Variants in PANK4 observed in about 807,000 individuals in gnomAD.
The protein encoded by PANK4 is 4'-phosphopantetheine phosphatase.
In PANK4, 40 loss-of-function variants were observed where a neutral mutation model predicts 87.9. The ratio of observed to expected loss-of-function variants is 0.46; its 90% CI spans 0.35 to 0.59. The LOEUF is 0.59. Ranked by LOEUF, PANK4 falls within the 20% of genes least tolerant of loss-of-function variation. PANK4 has a pLI of 0.00. For synonymous variants in PANK4, 524 were observed against 467.4 expected, an observed-to-expected ratio of 1.12 and a Z score of -1.56; for missense variants, 926 against 1,072.3, an observed-to-expected ratio of 0.86 and a Z score of 1.90.
chr1:2,521,127 G>T lies in PANK4; in HGVS notation c.396C>A (p.Asp132Glu). 6.2e-7 allele frequency: 1 copy of T among 1,613,562 alleles called. No individual in the cohort carries two copies. Among genetic ancestry groups the T allele is most frequent in the African/African-American group, 1.3e-5 (1 of 75,026 alleles). Residue 132 changes from aspartate (D) to glutamate (E), a missense_variant, in exon 3 of 19, where the codon GAC (aspartate) becomes GAA (glutamate). Coordinates refer to ENST00000378466, the MANE Select transcript of PANK4 (RefSeq NM_018216.4). ...TCAGCCGCAGCTTCTCTTCGATGAG[G>T]TCTTTGAACTTGTAGGCCCCGCCCC... The part of the protein sequence containing the change: ...ATGGGAYKFK[D>E]LIEEKLRLKV...
intron 12 of PANK4, among the ~76,000 whole-genome samples, chr1:2,513,481 C>A (rs1200238353): frequency 6.6e-6 from 1 of 152,252 alleles, no homozygotes; most frequent in African/African-American, 2.4e-5. Context: ...CCAAGGAGGG[C>A]TCTGGCCGCC....
In PANK4 at chr1:2,519,294, A is replaced by G; in HGVS notation, c.884T>C (p.Leu295Pro). The G allele has an allele frequency of 6.2e-7, 1 of 1,611,094 alleles. No individual in the cohort carries two copies. Among genetic ancestry groups the G allele is most frequent in the Non-Finnish European group, 8.5e-7 (1 of 1,178,702 alleles). ...EFSKEDMAKS[L>P]LHMISNDIGQ... is the part of the protein sequence containing the mutation. ...AATGTCGTTGCTGATCATGTGCAGC[A>G]GGCTCTTCGCCATGTCTTCTTTGGA... The change falls in exon 7 of 19, where the codon CTG becomes CCG. Residue 295 changes from leucine (L) to proline (P), a missense_variant. Physicochemically the swap from Leu to Pro is moderately conservative, Grantham distance 98. Coordinates refer to ENST00000378466, the MANE Select transcript of PANK4 (RefSeq NM_018216.4). This position sits in a 1 kb window ranked among gnomAD's most constrained non-coding sequence, Gnocchi z 8.3.
intron 9 of PANK4, among the ~76,000 whole-genome samples, chr1:2,516,867 AC>A (rs1305837793): frequency 6.6e-6 from 1 of 152,188 alleles, no homozygotes; most frequent in Non-Finnish European, 1.5e-5. Flanking sequence ...CTTCGCTTTG[AC>A]TTTTTTGGAC....
chr1:2,520,674 A>C lies in PANK4; in HGVS notation c.606+49T>G, dbSNP rs753315755. The C allele has an allele frequency of 6.4e-7, 1 of 1,563,298 alleles. No homozygotes were observed. Among genetic ancestry groups the C allele is most frequent in the Admixed American group, 1.7e-5 (1 of 57,782 alleles). On this transcript the variant is annotated intron_variant, in intron 4 of 18. Coordinates refer to ENST00000378466, the MANE Select transcript of PANK4 (RefSeq NM_018216.4). The surrounding 1 kb of genome is among the most constrained non-coding windows in gnomAD (Gnocchi z 6.2). ...CTCCTGCACACAGCGAGGGCTTAAC[A>C]AACTATGGCTAAACCATCCACTCAT...
rs1557439013 is a variant in PANK4, at chr1:2,513,846, C to T, written c.1575+156G>A. ...CAGATGCTGCCAACAGAGGCCCTGG[C>T]TATTGTGGTGCCAGGGCTGGAGTTG... On this transcript the variant is annotated intron_variant, in intron 12 of 18. Transcript: ENST00000378466. Among the ~76,000 whole-genome samples the T allele has an allele frequency of 3.3e-5, 5 of 152,238 alleles. No individual in the cohort carries two copies. In the South Asian group the frequency reaches 1.0e-3, roughly 31 times the overall value.
In PANK4 at chr1:2,510,853, C is replaced by G; in HGVS notation, c.1834-71G>C. On this transcript the variant is annotated intron_variant, in intron 15 of 18. Transcript: ENST00000378466. This position sits in a 1 kb window ranked among gnomAD's most constrained non-coding sequence, Gnocchi z 4.9. ...AGCGAGTCAGTCCGCACCCCTGCTGCCCGTCACGCTGCCCTGCAGGGGCCG... is the reference window on the plus strand; with the variant it reads ...AGCGAGTCAGTCCGCACCCCTGCTGGCCGTCACGCTGCCCTGCAGGGGCCG... 1 of 891,372 alleles carries G rather than the reference C, an allele frequency of 1.1e-6. No individual in the cohort carries two copies. The highest frequency in any genetic ancestry group is 1.9e-6 in the Non-Finnish European group (1 of 528,270). 55.2% of individuals were successfully genotyped at this position (891,372 alleles called of 1,614,324 possible).
chr1:2,509,823 G>A lies in PANK4; in HGVS notation c.2108+39C>T. 6.3e-7 allele frequency: 1 copy of A among 1,578,004 alleles called. No individual in the cohort carries two copies. The highest frequency in any genetic ancestry group is 8.7e-7 in the Non-Finnish European group (1 of 1,151,546). Reference sequence around the variant, plus strand: ...AGGTGCACGGCACAGAGGGCACAGAGCCCAGGAGGGAGAGAACAGGTGCAG... The same window carrying A: ...AGGTGCACGGCACAGAGGGCACAGAACCCAGGAGGGAGAGAACAGGTGCAG... On this transcript the variant is annotated intron_variant, in intron 18 of 18. Coordinates refer to ENST00000378466, the MANE Select transcript of PANK4 (RefSeq NM_018216.4). The surrounding 1 kb of genome is among the most constrained non-coding windows in gnomAD (Gnocchi z 4.9).
intron 9 of PANK4, among the ~76,000 whole-genome samples, chr1:2,517,257 G>C (rs1354570254): frequency 6.6e-6 from 1 of 152,240 alleles, no homozygotes; most frequent in Admixed American, 6.5e-5. Context: ...TGGTGCGTCT[G>C]TGCGAGGCCG....
intron 7 of PANK4, 108 bp from the exon 8 acceptor site, chr1:2,518,705 G>T: frequency 1.1e-5 from 10 of 908,844 alleles, no homozygotes; most frequent in Non-Finnish European, 1.8e-5. Flanking sequence ...CCAAACCCTC[G>T]AAGAGGCGCC....
chr1:2,508,562 G>A lies in PANK4; in HGVS notation c.*285C>T, dbSNP rs959794610. ...CTCTTTTAAAAACTCTATTTGGTGC[G>A]TGCCCACGGTGCTGCGTCCCGTCAG... On this transcript the variant is annotated 3_prime_UTR_variant, in exon 19 of 19. Coordinates refer to ENST00000378466, the MANE Select transcript of PANK4 (RefSeq NM_018216.4). The surrounding 1 kb of genome is among the most constrained non-coding windows in gnomAD (Gnocchi z 5.1). 4.5e-5 allele frequency: 8 copies of A among 177,180 alleles called. No homozygotes were observed. The highest frequency in any genetic ancestry group is 9.3e-5 in the Non-Finnish European group (8 of 86,272). The allele number at this position is 177,180 out of a possible 1,614,324, so 11.0% of individuals were successfully genotyped here.
At position 2,514,341 on chromosome 1, in the gene PANK4, G is replaced by T. The variant is rs1430265811; in HGVS notation, c.1487+13C>A. On this transcript the variant is annotated intron_variant, in intron 11 of 18. Coordinates refer to ENST00000378466, the MANE Select transcript of PANK4 (RefSeq NM_018216.4). The stretch of plus-strand genomic sequence containing the variant: ...GGAAGAGGTGGCCACACACCGGGGT[G>T]CTGGGCACTTACAAGGGCTGCTGCC... 7 of 1,582,526 alleles carry T rather than the reference G, an allele frequency of 4.4e-6. No individual in the cohort carries two copies. The highest frequency in any genetic ancestry group is 6.1e-6 in the Non-Finnish European group (7 of 1,152,666).
intron 7 of PANK4, among the ~76,000 whole-genome samples, 198 bp downstream of exon 7, chr1:2,518,945 G>C (rs571891629): frequency 6.6e-6 from 1 of 152,346 alleles, no homozygotes; most frequent in African/African-American, 2.4e-5. Flanking sequence ...CATCACTGGT[G>C]ATGTACTCAA....
At position 2,515,938 on chromosome 1, in the gene PANK4, T is replaced by C; in HGVS notation, c.1219-221A>G. On this transcript the variant is annotated intron_variant, in intron 9 of 18. Coordinates refer to ENST00000378466, the MANE Select transcript of PANK4 (RefSeq NM_018216.4). This position sits in a 1 kb window ranked among gnomAD's most constrained non-coding sequence, Gnocchi z 5.0. ...CCTGGTTTGACACTGGGGTTGCGTC[T>C]GCTCCCACCACACGCCTCCTGCCCC... The C allele has an allele frequency of 3.4e-6, 2 of 591,608 alleles. No individual in the cohort carries two copies. Among genetic ancestry groups the C allele is most frequent in the South Asian group, 4.0e-5 (2 of 50,188 alleles). The allele number at this position is 591,608 out of a possible 1,614,324, so 36.6% of individuals were successfully genotyped here. A position where few individuals can be genotyped will look rare whatever the true frequency, so the allele number is the denominator to read the frequency against.
rs1481452495 is a variant in PANK4 at position 2,514,463 on chromosome 1, C to T, written c.1378G>A (p.Val460Met). Residue 460 changes from valine (V) to methionine (M), a missense_variant, in exon 11 of 19, where the codon GTG (valine) becomes ATG (methionine). Physicochemically the swap from Val to Met is conservative, Grantham distance 21. Coordinates refer to ENST00000378466, the MANE Select transcript of PANK4 (RefSeq NM_018216.4). The part of the protein sequence containing the change: ...TCFEEALDGV[V>M]KRAVASQPDS... Reference sequence around the variant, plus strand: ...GGCTGGCTCGCCACTGCGCGCTTCACTACCTGCCAGCGACAGAAGGAGGGG... The same window carrying T: ...GGCTGGCTCGCCACTGCGCGCTTCATTACCTGCCAGCGACAGAAGGAGGGG... 2 of 1,608,680 alleles carry T rather than the reference C, an allele frequency of 1.2e-6. No homozygotes were observed. Among genetic ancestry groups the T allele is most frequent in the South Asian group, 2.2e-5 (2 of 91,012 alleles).
chr1:2,514,163 C>A, intron 11 of PANK4, 74 bp from the exon 12 acceptor site: 1 of 1,331,920 alleles, frequency 7.5e-7, no homozygotes, highest in Non-Finnish European at 1.1e-6. Flanking sequence ...CTCGGCTGTG[C>A]CACGGACGTC....
At chr1:2,516,145 C>A (rs1643770055) in intron 9 of PANK4, among the ~76,000 whole-genome samples, 1 of 152,216 alleles carries the variant, frequency 6.6e-6, no homozygotes, top group Non-Finnish European at 1.5e-5. Flanking sequence ...CTGTTCCCAC[C>A]TCTGGTCCTC....
In PANK4 at chr1:2,519,172, T is replaced by C; in HGVS notation, c.1006A>G (p.Ile336Val). 6.2e-7 allele frequency: 1 copy of C among 1,612,604 alleles called. No individual in the cohort carries two copies. Reference protein sequence around the residue: ...IRGHPVTMRTITYSINFFSKG... With the variant: ...IRGHPVTMRTVTYSINFFSKG... The stretch of plus-strand genomic sequence containing the variant: ...GAGAAGAAGTTGATGCTATAGGTGA[T>C]GGTGCGCATGGTCACGGGGTGGCCC... The change falls in exon 7 of 19, where the codon ATC becomes GTC. Residue 336 changes from isoleucine to valine, a missense_variant. By Grantham distance (29) the Ile-to-Val change is conservative. Coordinates refer to ENST00000378466, the MANE Select transcript of PANK4 (RefSeq NM_018216.4). This position sits in a 1 kb window ranked among gnomAD's most constrained non-coding sequence, Gnocchi z 8.3.
rs1643863668 is a variant in PANK4, at chr1:2,520,270, G to A, written c.699+52C>T. 6.5e-7 allele frequency: 1 copy of A among 1,533,150 alleles called. No homozygotes were observed. The highest frequency in any genetic ancestry group is 1.4e-5 in the African/African-American group (1 of 73,402). The allele number at this position is 1,533,150 out of a possible 1,614,324, so 95.0% of individuals were successfully genotyped here. On this transcript the variant is annotated intron_variant, in intron 5 of 18. Transcript: ENST00000378466. The surrounding 1 kb of genome is among the most constrained non-coding windows in gnomAD (Gnocchi z 6.2). ...CCCAGCTGCAGGCCTTCGGGGGAAG[G>A]AAGCAGACATCTCCGCAGACCCCTG... is the stretch of plus-strand genomic sequence containing the variant.
chr1:2,514,881 A>T (rs1643739031), intron 10 of PANK4, among the ~76,000 whole-genome samples: 4 of 151,544 alleles, frequency 2.6e-5, no homozygotes, highest in Admixed American at 2.6e-4. Context: ...CCCCCAGGAA[A>T]CCCGAGGCCA....
Sources: gnomAD v4.1 joint callset for allele counts (sites outside exome capture counted in the v4.1 genomes callset) on GRCh38, gnomAD v4.1.1 for gene constraint, Gnocchi (gnomAD v3.1) non-coding constraint, MANE v1.5 for transcripts, NCBI Gene and HGNC (gene_info 2026-07-23, HGNC 2026-07-21) for gene names.